TPD52: variants seen among roughly 807,000 people sequenced by gnomAD.
TPD52 encodes prostate and colon associated protein.
Under a neutral mutation model 31.3 loss-of-function variants are expected in TPD52, and 17 were observed. The ratio of observed to expected loss-of-function variants is 0.54; its 90% CI spans 0.37 to 0.82. The LOEUF (loss-of-function observed/expected upper bound fraction) is 0.82, where lower values mean the gene tolerates loss of function less well. Ranked by LOEUF, TPD52 falls within the 40% of genes least tolerant of loss-of-function variation. The pLI, the probability that TPD52 is intolerant of heterozygous loss-of-function variation, is 0.00. For missense variants in TPD52, 212 were observed against 240.1 expected (o/e 0.88, Z 0.77); for synonymous variants, 83 against 89.6 (o/e 0.93, Z 0.42).
intron 1 of TPD52, among the ~76,000 whole-genome samples, chr8:80,104,300 T>A (rs1806946164): frequency 6.6e-6 from 1 of 152,226 alleles, no homozygotes; most frequent in Admixed American, 6.5e-5. Flanking sequence ...CAAGTGCTTC[T>A]CATAATAGCA....
At chr8:80,158,911 T>G (rs1586419041) in intron 1 of TPD52, 1 of 115,130 alleles carries the variant, frequency 8.7e-6, no homozygotes, top group South Asian at 3.0e-4. Flanking sequence ...GCCACTGCAC[T>G]CCAGCCTGGG....
chr8:80,164,328 G>T (rs184468149), intron 1 of TPD52, among the ~76,000 whole-genome samples: 1 of 151,854 alleles, frequency 6.6e-6, no homozygotes, highest in Non-Finnish European at 1.5e-5. Context: ...GAAAAGAAAA[G>T]AATGTAAGAA....
intron 1 of TPD52, among the ~76,000 whole-genome samples, chr8:80,141,442 TG>T (rs1163363932): frequency 6.6e-6 from 1 of 152,188 alleles, no homozygotes; most frequent in Non-Finnish European, 1.5e-5. Context: ...GAGAGGTCCC[TG>T]GGGTGAGGAA....
rs575779118 is a variant in TPD52 at position 80,166,778 on chromosome 8, C to T, written c.19+4647G>A. ...AAAATTAGCTGGGTGTCGTGGCATG[C>T]GCCTGTAGTCCCAGCTACTTGGGAG... On this transcript the variant is annotated intron_variant, in intron 1 of 7. Transcript: ENST00000518937. Among the ~76,000 whole-genome samples the T allele has an allele frequency of 5.3e-5, 8 of 151,920 alleles. No individual in the cohort carries two copies. In the East Asian group the frequency reaches 1.4e-3, roughly 26 times the overall value.
At chr8:80,142,395 G>A (rs558333886) in intron 1 of TPD52, among the ~76,000 whole-genome samples, 9 of 152,286 alleles carry the variant, frequency 5.9e-5, no homozygotes, top group African/African-American at 1.4e-4. Context: ...CTGTGAAGAC[G>A]CTGTCTCTAG....
At chr8:80,167,257 AAGG>A (rs1289597827) in intron 1 of TPD52, among the ~76,000 whole-genome samples, 5 of 152,262 alleles carry the variant, frequency 3.3e-5, no homozygotes, top group African/African-American at 1.2e-4. Context: ...GTCAATAATT[AAGG>A]CAGAAATAAT....
chr8:80,086,117 G>GT (rs1366202183), intron 1 of TPD52, among the ~76,000 whole-genome samples: 4,079 of 88,606 alleles, frequency 0.046, 295 homozygotes, highest in African/African-American at 0.12. Flanking sequence ...TTTTTTTTTA[G>GT]TTTTTTTTTT....
chr8:80,096,810 T>A (rs1300947363), intron 1 of TPD52, among the ~76,000 whole-genome samples: 1 of 152,102 alleles, frequency 6.6e-6, no homozygotes, highest in Non-Finnish European at 1.5e-5. Flanking sequence ...GCCTCCCTAT[T>A]TGATGAGACA....
intron 1 of TPD52, among the ~76,000 whole-genome samples, chr8:80,116,777 T>TAA (rs11296093): frequency 6.9e-6 from 1 of 145,950 alleles, no homozygotes. Context: ...CTAGGAATGT[T>TAA]AAAAAAAAAA....
intron 1 of TPD52, among the ~76,000 whole-genome samples, chr8:80,084,707 C>T (rs1206404278): frequency 4.6e-5 from 7 of 152,186 alleles, no homozygotes; most frequent in Non-Finnish European, 2.9e-5. Flanking sequence ...ACCATATTTC[C>T]CACTATTACT....
downstream of TPD52, among the ~76,000 whole-genome samples, chr8:80,031,597 CTTGT>C (rs1809694684): frequency 1.3e-5 from 2 of 152,158 alleles, no homozygotes; most frequent in South Asian, 4.1e-4. Context: ...GTGGCTTACA[CTTGT>C]AATCCCAGCA....
intron 3 of TPD52, 136 bp downstream of exon 3, chr8:80,053,146 A>T (rs1229708969): frequency 1.0e-6 from 1 of 970,010 alleles, no homozygotes; most frequent in Non-Finnish European, 1.5e-6. Context: ...CTTGAAAATC[A>T]GAAAAAAAGG....
chr8:80,111,791 C>A (rs1306390644), intron 1 of TPD52, among the ~76,000 whole-genome samples: 2 of 152,212 alleles, frequency 1.3e-5, no homozygotes, highest in Non-Finnish European at 2.9e-5. Flanking sequence ...TCAATGACAA[C>A]TGCACAGCTC....
intron 1 of TPD52, among the ~76,000 whole-genome samples, chr8:80,141,973 T>C (rs1219332661): frequency 6.6e-6 from 1 of 152,032 alleles, no homozygotes; most frequent in Non-Finnish European, 1.5e-5. Context: ...TGGGATAATA[T>C]GTAGCAATAG....
intron 1 of TPD52, among the ~76,000 whole-genome samples, chr8:80,133,006 TG>T: frequency 6.6e-6 from 1 of 152,316 alleles, no homozygotes; most frequent in East Asian, 1.9e-4. Flanking sequence ...ATGCTTCTGA[TG>T]CTGATGTAAA....
At chr8:80,125,945 G>A (rs1350523060) in intron 1 of TPD52, among the ~76,000 whole-genome samples, 3 of 152,142 alleles carry the variant, frequency 2.0e-5, no homozygotes, top group Middle Eastern at 3.2e-3. Flanking sequence ...TGAGGAGGAC[G>A]TGAGCACTCT....
chr8:80,111,701 A>G (rs1019023982), intron 1 of TPD52, among the ~76,000 whole-genome samples: 3 of 152,224 alleles, frequency 2.0e-5, no homozygotes, highest in Admixed American at 1.3e-4. Context: ...TATAAAATAT[A>G]TATGTTTGCA....
chr8:80,102,116 T>G (rs894791035), intron 1 of TPD52, among the ~76,000 whole-genome samples: 3 of 152,272 alleles, frequency 2.0e-5, no homozygotes, highest in Admixed American at 2.0e-4. Context: ...CTCAGCAGCT[T>G]AAAACATTGA....
At chr8:80,061,385 C>CCCCCAA (rs1484546324) in intron 2 of TPD52, among the ~76,000 whole-genome samples, 1 of 102,086 alleles carries the variant, frequency 9.8e-6, no homozygotes, top group Non-Finnish European at 2.0e-5. Context: ...CCGCCCCCCC[C>CCCCCAA]AAAAAAAAAA....
Sources: allele counts gnomAD v4.1 joint callset (sites outside exome capture counted in the v4.1 genomes callset), GRCh38; gene constraint gnomAD v4.1.1; transcripts MANE v1.5; gene names NCBI Gene and HGNC (gene_info 2026-07-23, HGNC 2026-07-21).